The following TBC1D5 variants were observed in gnomAD, a reference collection of about 807,000 sequenced individuals.
The protein encoded by TBC1D5 is TBC1 domain family, member 5.
A neutral mutation model predicts 100.3 loss-of-function variants in TBC1D5; 75 were observed. The observed-to-expected ratio is 0.75, with a 90% confidence interval of 0.62 to 0.91. The LOEUF (loss-of-function observed/expected upper bound fraction) is 0.91. Among genes scored for constraint, TBC1D5 ranks in the 40% least tolerant of loss-of-function variants. The pLI, the probability that TBC1D5 is intolerant of heterozygous loss-of-function variation, is 0.00. For missense variants in TBC1D5, 910 were observed against 942.4 expected (o/e 0.97, Z 0.45); for synonymous variants, 323 against 325.6 (o/e 0.99, Z 0.09).
chr3:17,485,348 T>TTAC (rs2095550564), intron 3 of TBC1D5, among the ~76,000 whole-genome samples: 1 of 151,304 alleles, frequency 6.6e-6, no homozygotes, highest in Admixed American at 6.6e-5. Context: ...ATTATTATTA[T>TTAC]TATACTTTAA....
intron 3 of TBC1D5, among the ~76,000 whole-genome samples, chr3:17,433,144 T>C (rs2094473907): frequency 6.6e-6 from 1 of 152,148 alleles, no homozygotes; most frequent in Non-Finnish European, 1.5e-5. Flanking sequence ...TAGCAAATTG[T>C]TGTGCATATA....
At chr3:17,396,640 T>C (rs533226432) in intron 8 of TBC1D5, among the ~76,000 whole-genome samples, 74 of 151,942 alleles carry the variant, frequency 4.9e-4, no homozygotes, top group African/African-American at 1.7e-3. Context: ...ATGCTTAACA[T>C]AGAAAAAAAT....
intron 3 of TBC1D5, among the ~76,000 whole-genome samples, chr3:17,457,723 A>G (rs551200086): frequency 2.6e-5 from 4 of 151,712 alleles, no homozygotes; most frequent in African/African-American, 9.7e-5. Flanking sequence ...GCGCGTTCAT[A>G]TGCTTTTAAC....
intron 3 of TBC1D5, among the ~76,000 whole-genome samples, chr3:17,473,111 G>T (rs1022419710): frequency 1.3e-5 from 2 of 152,186 alleles, no homozygotes; most frequent in African/African-American, 4.8e-5. Context: ...TTTTCATGAA[G>T]TGTAAATATC....
intron 1 of TBC1D5, among the ~76,000 whole-genome samples, chr3:17,645,767 T>G (rs763927442): frequency 4.6e-5 from 7 of 152,084 alleles, no homozygotes; most frequent in Admixed American, 3.3e-4. Flanking sequence ...TCAGCATGCT[T>G]ACAATGAAAC....
intron 2 of TBC1D5, among the ~76,000 whole-genome samples, chr3:17,560,858 T>C (rs748374887): frequency 6.6e-6 from 1 of 151,504 alleles, no homozygotes; most frequent in Non-Finnish European, 1.5e-5. Context: ...GAGGCAGAGG[T>C]TGCAGTGAGC....
At chr3:17,565,826 T>C (rs1044396028) in intron 2 of TBC1D5, among the ~76,000 whole-genome samples, 4 of 152,168 alleles carry the variant, frequency 2.6e-5, no homozygotes, top group Admixed American at 2.0e-4. Flanking sequence ...GGAAGAAATG[T>C]TAAAAATTCA....
At chr3:17,181,188 A>G (rs1400273240) in intron 19 of TBC1D5, among the ~76,000 whole-genome samples, 1 of 152,216 alleles carries the variant, frequency 6.6e-6, no homozygotes, top group African/African-American at 2.4e-5. Context: ...ACCTCATCTT[A>G]GAACTAGCAC....
At chr3:17,630,851 C>G (rs1428809399) in intron 1 of TBC1D5, among the ~76,000 whole-genome samples, 1 of 142,674 alleles carries the variant, frequency 7.0e-6, no homozygotes, top group Non-Finnish European at 1.5e-5. Flanking sequence ...CTGGCTAACA[C>G]GGTGAAACCC....
At chr3:17,304,883 C>T (rs1260607218) in intron 14 of TBC1D5, among the ~76,000 whole-genome samples, 1 of 109,456 alleles carries the variant, frequency 9.1e-6, no homozygotes, top group Non-Finnish European at 1.9e-5. Flanking sequence ...CATCGTTCTT[C>T]TTCCTTAACT....
intron 3 of TBC1D5, among the ~76,000 whole-genome samples, chr3:17,451,013 C>T (rs2094913061): frequency 1.3e-5 from 2 of 152,190 alleles, no homozygotes; most frequent in Admixed American, 1.3e-4. Flanking sequence ...CAAAGCCCAT[C>T]AGACTAACAG....
chr3:17,668,493 C>T (rs4589965), intron 1 of TBC1D5, among the ~76,000 whole-genome samples: 89,435 of 151,730 alleles, frequency 0.59, 27,034 homozygotes, highest in East Asian at 0.99. Context: ...AAGTAATAAA[C>T]AATTATGTTT....
intron 2 of TBC1D5, among the ~76,000 whole-genome samples, chr3:17,531,010 A>T (rs2096215197): frequency 6.6e-6 from 1 of 152,210 alleles, no homozygotes; most frequent in African/African-American, 2.4e-5. Flanking sequence ...AAGGAAATAA[A>T]GGGCATTCAA....
intron 2 of TBC1D5, chr3:17,524,722 G>A (rs2096109268): frequency 6.6e-6 from 1 of 152,092 alleles, no homozygotes; most frequent in Admixed American, 6.6e-5. Context: ...AAATTAGCCA[G>A]ATATAGTGAC....
rs141466790 is a variant in TBC1D5, at chr3:17,422,451, C to T, written c.167+5999G>A. ...ATCCACCCACCTCAGCCTCCAAAAG[C>T]GCTGAGATTACTGGGGTAAGCCACT... On this transcript the variant is annotated intron_variant, in intron 4 of 21. Coordinates refer to ENST00000253692, the Ensembl canonical transcript of TBC1D5. Among the ~76,000 whole-genome samples, 291 of 151,694 alleles carry T rather than the reference C, an allele frequency of 1.9e-3. 1 individual carries two copies. Among genetic ancestry groups the T allele is most frequent in the African/African-American group, 6.5e-3 (268 of 41,334 alleles).
At chr3:17,621,808 C>G (rs561196488) in intron 2 of TBC1D5, among the ~76,000 whole-genome samples, 1 of 152,028 alleles carries the variant, frequency 6.6e-6, no homozygotes, top group Admixed American at 6.6e-5. Context: ...CAATAAGCAA[C>G]TAGAGGGCAG....
At chr3:17,584,978 A>G (rs944204893) in intron 2 of TBC1D5, among the ~76,000 whole-genome samples, 6 of 151,816 alleles carry the variant, frequency 4.0e-5, no homozygotes, top group African/African-American at 1.2e-4. Flanking sequence ...TTCGACAGAG[A>G]TGGGGATTTG....
intron 19 of TBC1D5, among the ~76,000 whole-genome samples, chr3:17,182,727 T>C (rs972582558): frequency 6.6e-6 from 1 of 152,228 alleles, no homozygotes; most frequent in Non-Finnish European, 1.5e-5. Context: ...TAATTAGTCA[T>C]ATACAACTAT....
At chr3:17,410,732 T>G (rs1055968622) in intron 4 of TBC1D5, among the ~76,000 whole-genome samples, 2 of 152,070 alleles carry the variant, frequency 1.3e-5, no homozygotes, top group African/African-American at 4.8e-5. Context: ...AAACTAGAAG[T>G]AGAAGTGGAA....
Sources: gnomAD v4.1 joint callset for allele counts (sites outside exome capture counted in the v4.1 genomes callset) on GRCh38, gnomAD v4.1.1 for gene constraint, MANE v1.5 for transcripts, NCBI Gene and HGNC (gene_info 2026-07-23, HGNC 2026-07-21) for gene names.